The following CDK14 variants were observed in gnomAD, a reference collection of about 807,000 sequenced individuals.
The protein encoded by CDK14 is cyclin dependent kinase 14.
CDK14 carries 34 observed loss-of-function variants against 60.7 expected under a neutral mutation model. The observed-to-expected ratio is 0.56, with a 90% CI of 0.43 to 0.75. The LOEUF (loss-of-function observed/expected upper bound fraction) is 0.75, where lower values mean the gene tolerates loss of function less well. Among genes scored for constraint, CDK14 ranks in the 30% least tolerant of loss-of-function variants. The pLI, the probability that CDK14 is intolerant of heterozygous loss-of-function variation, is 0.00. For synonymous variants in CDK14, 197 were observed against 203.7 expected, an observed-to-expected ratio of 0.97 and a Z score of 0.28; for missense variants, 482 against 564.1, an observed-to-expected ratio of 0.85 and a Z score of 1.47.
intron 2 of CDK14, among the ~76,000 whole-genome samples, chr7:90,668,425 A>G (rs1421845810): frequency 6.6e-6 from 1 of 152,214 alleles, no homozygotes; most frequent in Admixed American, 6.5e-5. Flanking sequence ...GTCCCATATC[A>G]GATAAATGAG....
intron 4 of CDK14, among the ~76,000 whole-genome samples, chr7:90,754,406 C>T (rs1367100248): frequency 6.6e-6 from 1 of 152,120 alleles, no homozygotes; most frequent in Non-Finnish European, 1.5e-5. Context: ...ATAAATGTTT[C>T]TTGTATAGAT....
intron 2 of CDK14, among the ~76,000 whole-genome samples, chr7:90,621,448 A>G (rs17869472): frequency 0.15 from 22,526 of 152,208 alleles, 1,780 homozygotes; most frequent in Middle Eastern, 0.25. Flanking sequence ...AAGACTGTGT[A>G]AGGTTCCTGA....
chr7:91,091,762 G>GAAGGAAGT (rs1303083187), intron 12 of CDK14, among the ~76,000 whole-genome samples: 5 of 44,860 alleles, frequency 1.1e-4, no homozygotes, highest in Non-Finnish European at 1.9e-4. Flanking sequence ...AGGAAGGAAG[G>GAAGGAAGT]AAGTAAGTTA....
At chr7:90,827,425 T>A (rs1789764129) in intron 5 of CDK14, among the ~76,000 whole-genome samples, 1 of 152,188 alleles carries the variant, frequency 6.6e-6, no homozygotes, top group Non-Finnish European at 1.5e-5. Context: ...CATGTGCAGG[T>A]TTTTGCATGG....
intron 10 of CDK14, among the ~76,000 whole-genome samples, chr7:91,031,132 G>T (rs906558104): frequency 1.3e-5 from 2 of 152,168 alleles, no homozygotes; most frequent in African/African-American, 4.8e-5. Flanking sequence ...GAAATATATT[G>T]TGAGTCTCAA....
At position 91,037,904 on chromosome 7, in the gene CDK14, A is replaced by G. The variant is rs146157199; in HGVS notation, c.1042-7993A>G. Among the ~76,000 whole-genome samples the G allele has an allele frequency of 2.8e-3, 431 of 152,344 alleles. 2 individuals carry two copies. The highest frequency in any genetic ancestry group is 9.8e-3 in the African/African-American group (406 of 41,580). ...TTTTTGTAGAAATTTGAATTAGGTC[A>G]TAGGATTAAGGTACTTTCACAGGAA... On this transcript the variant is annotated intron_variant, in intron 10 of 14. Coordinates refer to ENST00000380050, the MANE Select transcript of CDK14 (RefSeq NM_001287135.2).
At chr7:91,103,626 C>G (rs1201091345) in intron 12 of CDK14, among the ~76,000 whole-genome samples, 1 of 152,146 alleles carries the variant, frequency 6.6e-6, no homozygotes, top group Non-Finnish European at 1.5e-5. Context: ...TGGTTCTTCC[C>G]AGATTGGAGG....
chr7:90,928,841 C>T (rs1284362733), intron 8 of CDK14, among the ~76,000 whole-genome samples: 1 of 152,220 alleles, frequency 6.6e-6, no homozygotes, highest in African/African-American at 2.4e-5. Flanking sequence ...CAGAGGCAGG[C>T]AGGCTTCCTT....
At chr7:90,746,834 A>AT (rs1803611467) in intron 3 of CDK14, among the ~76,000 whole-genome samples, 1 of 152,112 alleles carries the variant, frequency 6.6e-6, no homozygotes, top group Admixed American at 6.5e-5. Flanking sequence ...TACCTTAAGG[A>AT]TTGATTTATG....
intron 3 of CDK14, among the ~76,000 whole-genome samples, chr7:90,731,334 A>AGGCTCTTTTTT (rs1802858089): frequency 6.7e-6 from 1 of 148,846 alleles, no homozygotes; most frequent in Non-Finnish European, 1.5e-5. Flanking sequence ...TTGGCTATGC[A>AGGCTCTTTTTT]GGCTCCATAT....
At chr7:90,643,012 C>T (rs188588350) in intron 2 of CDK14, among the ~76,000 whole-genome samples, 15 of 152,218 alleles carry the variant, frequency 9.9e-5, no homozygotes, top group Admixed American at 5.2e-4. Flanking sequence ...TTCCACATCT[C>T]GTGGGGAAAT....
At chr7:90,828,795 A>G (rs1789810608) in intron 5 of CDK14, among the ~76,000 whole-genome samples, 1 of 152,234 alleles carries the variant, frequency 6.6e-6, no homozygotes. Context: ...TTGACACGTT[A>G]TATATGAATG....
intron 3 of CDK14, among the ~76,000 whole-genome samples, chr7:90,744,012 T>C (rs532865881): frequency 5.8e-4 from 88 of 152,310 alleles, no homozygotes; most frequent in African/African-American, 2.0e-3. Context: ...TATTCTTTTT[T>C]TTTAAATTAT....
intron 11 of CDK14, among the ~76,000 whole-genome samples, chr7:91,054,292 G>T (rs571587514): frequency 6.6e-6 from 1 of 151,948 alleles, no homozygotes; most frequent in Non-Finnish European, 1.5e-5. Context: ...AAATTATTAC[G>T]TAAATATCTG....
intron 3 of CDK14, among the ~76,000 whole-genome samples, chr7:90,738,418 G>T (rs1409701961): frequency 6.6e-6 from 1 of 152,158 alleles, no homozygotes; most frequent in Non-Finnish European, 1.5e-5. Context: ...GCTGTCAAGG[G>T]TTAAGAACAC....
At chr7:90,822,569 C>T (rs1789587136) in intron 5 of CDK14, among the ~76,000 whole-genome samples, 1 of 152,078 alleles carries the variant, frequency 6.6e-6, no homozygotes, top group African/African-American at 2.4e-5. Context: ...CTTTTGCTGC[C>T]CAGTAACTCT....
chr7:90,894,830 T>C (rs928957550), intron 6 of CDK14, among the ~76,000 whole-genome samples: 19 of 152,360 alleles, frequency 1.2e-4, no homozygotes, highest in African/African-American at 4.6e-4. Context: ...CTTTAGAGGA[T>C]CACATTAACA....
intron 11 of CDK14, among the ~76,000 whole-genome samples, chr7:91,069,671 C>G (rs1172404318): frequency 3.9e-5 from 6 of 152,148 alleles, no homozygotes; most frequent in African/African-American, 1.4e-4. Flanking sequence ...ACTAATGTTA[C>G]TGAAGGATGT....
chr7:90,705,708 G>A (rs1321957171), intron 2 of CDK14, among the ~76,000 whole-genome samples: 1 of 150,542 alleles, frequency 6.6e-6, no homozygotes. Context: ...ACTGAGGAGA[G>A]TGTGGTGATA....
Sources: gnomAD v4.1 joint callset for allele counts (sites outside exome capture counted in the v4.1 genomes callset) on GRCh38, gnomAD v4.1.1 for gene constraint, MANE v1.5 for transcripts, NCBI Gene and HGNC (gene_info 2026-07-23, HGNC 2026-07-21) for gene names.